Variants in THOC3 observed in about 807,000 individuals in gnomAD.
The protein encoded by THOC3 is THO complex subunit 3, also known as TEX1 homolog.
A neutral mutation model predicts 23.3 loss-of-function variants in THOC3; 4 were observed. That is an observed-to-expected ratio of 0.17 (90% CI 0.08 to 0.39). THOC3 has a LOEUF of 0.39. Among genes scored for constraint, THOC3 ranks in the 10% least tolerant of loss-of-function variants. The pLI is 1.00. For synonymous variants in THOC3, 27 were observed against 141.5 expected (o/e 0.19, Z 5.74); for missense variants, 64 against 359.4 (o/e 0.18, Z 6.65).
At position 175,959,912 on chromosome 5, in the gene THOC3, AAACT is replaced by A; in HGVS notation, c.*53_*56del. On this transcript the variant is annotated 3_prime_UTR_variant, in exon 6 of 6. Transcript: ENST00000265097. Reference sequence around the variant, plus strand: ...CCCACCAACTCCGAGAGAACAGACCAAACTAACCACATGAAGGAAGACCTCTGCC... The same window carrying A: ...CCCACCAACTCCGAGAGAACAGACCAAACCACATGAAGGAAGACCTCTGCC... 2.2e-5 allele frequency: 24 copies of A among 1,105,152 alleles called. No individual in the cohort carries two copies. The highest frequency in any genetic ancestry group is 2.9e-5 in the Non-Finnish European group (24 of 833,232). 68.5% of individuals were successfully genotyped at this position (1,105,152 alleles called of 1,614,324 possible).
At chr5:175,964,524 G>A (rs1756728461) in intron 3 of THOC3, among the ~76,000 whole-genome samples, 11 of 152,070 alleles carry the variant, frequency 7.2e-5, no homozygotes, top group Admixed American at 7.2e-4. Flanking sequence ...GGCTGAGGCA[G>A]GAGAATCGCT....
Position 175,965,143 on chromosome 5 carries a change from T to C in THOC3, c.437A>G (p.Asn146Ser), listed in dbSNP as rs1294160440. 1.9e-6 allele frequency: 3 copies of C among 1,555,460 alleles called. No homozygotes were observed. The highest frequency in any genetic ancestry group is 2.2e-5 in the Admixed American group (1 of 46,282). ...ATVNTKGENI[N>S]ICWSPDGQTI... ...CTGCCCATCAGGACTCCAGCAGATA[T>C]TAATGTTCTCCCCTGGGAACCCAGA... The change falls in exon 3 of 6, where the codon AAT (asparagine) becomes AGT (serine). Residue 146 changes from asparagine to serine, a missense_variant. Coordinates refer to ENST00000265097, the MANE Select transcript of THOC3 (RefSeq NM_032361.4).
rs1163609746 is a variant in THOC3, at chr5:175,961,777, G to A, written c.630-343C>T. On this transcript the variant is annotated intron_variant, in intron 3 of 5. Transcript: ENST00000265097. The stretch of plus-strand genomic sequence containing the variant: ...AAGAAAGATACACAAGCGAGAAAAC[G>A]AGCCAAGGATTTTTACATCCAGCAA... Among the ~76,000 whole-genome samples the A allele has an allele frequency of 1.2e-4, 19 of 152,022 alleles. No homozygotes were observed. The East Asian group carries it at 2.5e-3, about 20-fold the overall frequency.
At chr5:175,961,799 G>A (rs1756664264) in intron 3 of THOC3, among the ~76,000 whole-genome samples, 1 of 152,030 alleles carries the variant, frequency 6.6e-6, no homozygotes. Context: ...TTTACATCCA[G>A]CAAAACTGAA....
At chr5:175,960,675 C>T in intron 5 of THOC3, 1 of 131,286 alleles carries the variant, frequency 7.6e-6, no homozygotes, top group Middle Eastern at 4.0e-3. Flanking sequence ...CTTTATAATT[C>T]CTCAAATTTT....
intron 1 of THOC3, chr5:175,967,567 C>CACCAACGTACCACCACCACCAACGT (rs1412101407): frequency 3.3e-6 from 1 of 306,214 alleles, no homozygotes; most frequent in African/African-American, 2.8e-5. Context: ...GTACCACCAC[C>CACCAACGTACCACCACCACCAACGT]ACCACCACCA....
chr5:175,965,512 C>A (rs1350344633), intron 2 of THOC3, among the ~76,000 whole-genome samples: 14 of 152,270 alleles, frequency 9.2e-5, no homozygotes, highest in Non-Finnish European at 1.3e-4. Flanking sequence ...GCAAGCTCCA[C>A]CTCCTGGGTT....
At chr5:175,967,558 T>C (rs1265045470) in intron 1 of THOC3, 68 of 265,062 alleles carry the variant, frequency 2.6e-4, no homozygotes, top group African/African-American at 1.3e-3. Flanking sequence ...ACCACCAACG[T>C]ACCACCACCA....
At chr5:175,962,991 T>C (rs1160926822) in intron 3 of THOC3, among the ~76,000 whole-genome samples, 4 of 152,280 alleles carry the variant, frequency 2.6e-5, no homozygotes, top group African/African-American at 9.6e-5. Context: ...AAAGATGGGA[T>C]AATTTGAGCT....
At chr5:175,965,314 G>A (rs1756744600) in intron 2 of THOC3, 159 bp from the exon 3 acceptor site, 2 of 1,329,882 alleles carry the variant, frequency 1.5e-6, no homozygotes, top group Non-Finnish European at 2.1e-6. Context: ...TCAACAATAA[G>A]TCCAGAACTT....
chr5:175,962,031 T>C (rs189276408), intron 3 of THOC3, among the ~76,000 whole-genome samples: 3 of 151,424 alleles, frequency 2.0e-5, no homozygotes, highest in African/African-American at 7.3e-5. Flanking sequence ...GCAAAAACTA[T>C]ACATGGTTTA....
chr5:175,963,276 G>A (rs1409923029), intron 3 of THOC3, among the ~76,000 whole-genome samples: 2 of 152,184 alleles, frequency 1.3e-5, no homozygotes, highest in African/African-American at 4.8e-5. Flanking sequence ...AGCCAAACTG[G>A]GAGAATCTCC....
At chr5:175,965,484 G>T (rs1194566299) in intron 2 of THOC3, among the ~76,000 whole-genome samples, 1 of 152,266 alleles carries the variant, frequency 6.6e-6, no homozygotes, top group South Asian at 2.1e-4. Context: ...CTATGAAGTG[G>T]CGCAATCTCG....
chr5:175,967,566 C>CCACCACCACCACCACCACCAACGTACCAA, intron 1 of THOC3: 1 of 301,130 alleles, frequency 3.3e-6, no homozygotes, highest in Non-Finnish European at 6.3e-6. Context: ...CGTACCACCA[C>CCACCACCACCACCACCACCAACGTACCAA]CACCACCACC....
chr5:175,965,210 A>G, intron 2 of THOC3, 55 bp from the exon 3 acceptor site: 4 of 1,611,760 alleles, frequency 2.5e-6, no homozygotes, highest in Non-Finnish European at 3.4e-6. Context: ...ATCTTCCACA[A>G]GTTTATTGCA....
At chr5:175,965,452 T>C (rs1456650012) in intron 2 of THOC3, among the ~76,000 whole-genome samples, 1 of 152,228 alleles carries the variant, frequency 6.6e-6, no homozygotes, top group African/African-American at 2.4e-5. Context: ...AGCCAAAGTG[T>C]CAAAGCTATG....
At chr5:175,965,593 T>G (rs1162810462) in intron 2 of THOC3, among the ~76,000 whole-genome samples, 1 of 152,050 alleles carries the variant, frequency 6.6e-6, no homozygotes, top group East Asian at 1.9e-4. Flanking sequence ...CCAGGCTAAT[T>G]TTTTTGTATT....
intron 2 of THOC3, among the ~76,000 whole-genome samples, chr5:175,965,503 C>T (rs1756747995): frequency 6.6e-6 from 1 of 152,288 alleles, no homozygotes; most frequent in Admixed American, 6.5e-5. Context: ...CGGCTCACTG[C>T]AAGCTCCACC....
intron 5 of THOC3, 116 bp downstream of exon 5, chr5:175,960,935 T>TGGGGGC: frequency 1.7e-6 from 1 of 573,324 alleles, no homozygotes; most frequent in South Asian, 2.0e-5. Flanking sequence ...CATACTTGTC[T>TGGGGGC]AAAGGAGACA....
Sources: allele counts gnomAD v4.1 joint callset (sites outside exome capture counted in the v4.1 genomes callset), GRCh38; gene constraint gnomAD v4.1.1; transcripts MANE v1.5; gene names NCBI Gene and HGNC (gene_info 2026-07-23, HGNC 2026-07-21).